Variants in TBC1D22B observed in about 807,000 individuals in gnomAD.
TBC1D22B encodes the protein TBC1 domain family member 22B.
TBC1D22B carries 32 observed loss-of-function variants against 69.1 expected under a neutral mutation model. The ratio of observed to expected loss-of-function variants is 0.46; its 90% CI spans 0.35 to 0.62. The LOEUF is 0.62. TBC1D22B is among the 20% of genes least tolerant of loss of function. TBC1D22B has a pLI of 0.00. For missense variants in TBC1D22B, 462 were observed against 630.9 expected (o/e 0.73, Z 2.87); for synonymous variants, 206 against 229.8 (o/e 0.90, Z 0.94).
chr6:37,292,592 T>A (rs2113754478), intron 8 of TBC1D22B, among the ~76,000 whole-genome samples: 1 of 152,314 alleles, frequency 6.6e-6, no homozygotes, highest in South Asian at 2.1e-4. Context: ...TAGTTGCTTC[T>A]TGCAGTAGTA....
intron 6 of TBC1D22B, among the ~76,000 whole-genome samples, chr6:37,284,851 G>A (rs1443093519): frequency 6.6e-6 from 1 of 152,144 alleles, no homozygotes; most frequent in African/African-American, 2.4e-5. Context: ...CACACTGTGA[G>A]TAGTAAGCGT....
At position 37,330,222 on chromosome 6, in the gene TBC1D22B, C is replaced by CTTTTTTTTTTTTTTTTTT. The variant is rs67372032; in HGVS notation, c.1390-804_1390-787dup. ...GATGTTATAAATATTTTGTCCGTTT[C>CTTTTTTTTTTTTTTTTTT]TTTTTTTTTTTTTTTTTTTTTTTTT... On this transcript the variant is annotated intron_variant, in intron 12 of 12. Transcript: ENST00000373491. 4.0e-5 allele frequency among the ~76,000 whole-genome samples: 3 copies of CTTTTTTTTTTTTTTTTTT among 75,582 alleles called. 1 individual carries two copies. Among genetic ancestry groups the CTTTTTTTTTTTTTTTTTT allele is most frequent in the Non-Finnish European group, 7.2e-5 (3 of 41,574 alleles). 49.6% of individuals were successfully genotyped at this position (75,582 alleles called of 152,430 possible). A position where few individuals can be genotyped will look rare whatever the true frequency, so the allele number is the denominator to read the frequency against.
In TBC1D22B at chr6:37,286,993, C is replaced by T. The variant is rs1767027055; in HGVS notation, c.802-14C>T. 1.9e-6 allele frequency: 3 copies of T among 1,589,586 alleles called. No homozygotes were observed. Among genetic ancestry groups the T allele is most frequent in the Non-Finnish European group, 2.6e-6 (3 of 1,172,420 alleles). On this transcript the variant is annotated splice_polypyrimidine_tract_variant and intron_variant, in intron 6 of 12. Transcript: ENST00000373491. Reference sequence around the variant, plus strand: ...CTGGCATTTGTGTTTTTGGACATGCCTTCTCTTTTTCAGATTCACATTGAC... The same window carrying T: ...CTGGCATTTGTGTTTTTGGACATGCTTTCTCTTTTTCAGATTCACATTGAC...
intron 1 of TBC1D22B, among the ~76,000 whole-genome samples, chr6:37,262,093 C>G (rs573517594): frequency 2.0e-4 from 29 of 147,762 alleles, no homozygotes; most frequent in African/African-American, 5.8e-4. Flanking sequence ...TGCAGTGGCA[C>G]GATCTCAGCT....
At chr6:37,310,406 C>T (rs780807764) in intron 8 of TBC1D22B, among the ~76,000 whole-genome samples, 10 of 152,022 alleles carry the variant, frequency 6.6e-5, no homozygotes, top group Non-Finnish European at 1.3e-4. Context: ...CGGTAGCTCA[C>T]GCCTGTAATC....
At position 37,279,473 on chromosome 6, in the gene TBC1D22B, G is replaced by T; in HGVS notation, c.283G>T (p.Ala95Ser). The T allele has an allele frequency of 1.9e-6, 3 of 1,614,126 alleles. No individual in the cohort carries two copies. Among genetic ancestry groups the T allele is most frequent in the Non-Finnish European group, 2.5e-6 (3 of 1,180,020 alleles). ...AACTCTGAACTCAAAAGTTGCTTTG[G>T]CAACTGCAGCCCAAGTTCTAGAAAA... is the stretch of plus-strand genomic sequence containing the variant. ...FQTLNSKVAL[A>S]TAAQVLENHS... Residue 95 changes from alanine to serine, a missense_variant, in exon 3 of 13, where the codon GCA (alanine) becomes TCA (serine). Around this residue, in one of 2 missense-constraint regions of TBC1D22B, gnomAD observed 237 missense variants for 255.4 expected, o/e 0.93. Transcript: ENST00000373491.
intron 2 of TBC1D22B, 52 bp from the exon 3 acceptor site, chr6:37,279,252 G>A (rs377179268): frequency 2.1e-6 from 3 of 1,431,408 alleles, no homozygotes; most frequent in African/African-American, 2.9e-5. Context: ...GCAAATGTAG[G>A]TGGTCAGATG....
At chr6:37,296,217 GCA>G in intron 8 of TBC1D22B, among the ~76,000 whole-genome samples, 1 of 152,114 alleles carries the variant, frequency 6.6e-6, no homozygotes, top group East Asian at 1.9e-4. Flanking sequence ...AGCTGAGATC[GCA>G]CCACTGTACT....
chr6:37,262,151 C>T (rs1056041392), intron 1 of TBC1D22B, among the ~76,000 whole-genome samples: 2 of 151,398 alleles, frequency 1.3e-5, no homozygotes, highest in Non-Finnish European at 2.9e-5. Context: ...CTGCCTCAGC[C>T]TCCTGAGTAG....
At chr6:37,325,376 GTATCTCATCT>G (rs1768359657) in intron 12 of TBC1D22B, among the ~76,000 whole-genome samples, 1 of 151,800 alleles carries the variant, frequency 6.6e-6, no homozygotes, top group Admixed American at 6.6e-5. Context: ...CCTGACTATA[GTATCTCATCT>G]GACTGCATGT....
chr6:37,287,750 A>G (rs2113747976), intron 7 of TBC1D22B, among the ~76,000 whole-genome samples: 1 of 152,368 alleles, frequency 6.6e-6, no homozygotes, highest in East Asian at 1.9e-4. Context: ...CATATGTAAC[A>G]CATATTGTTG....
At chr6:37,262,679 A>G (rs1219791201) in intron 1 of TBC1D22B, among the ~76,000 whole-genome samples, 10 of 152,200 alleles carry the variant, frequency 6.6e-5, no homozygotes, top group Non-Finnish European at 1.3e-4. Context: ...TGACTAGAAG[A>G]TACTAAATTA....
At chr6:37,261,145 A>G (rs1484707416) in intron 1 of TBC1D22B, among the ~76,000 whole-genome samples, 1 of 152,142 alleles carries the variant, frequency 6.6e-6, no homozygotes, top group Non-Finnish European at 1.5e-5. Context: ...AATCTCTACC[A>G]TTGCAGGCTT....
intron 8 of TBC1D22B, among the ~76,000 whole-genome samples, chr6:37,294,625 G>T (rs936372275): frequency 6.6e-6 from 1 of 152,160 alleles, no homozygotes; most frequent in African/African-American, 2.4e-5. Flanking sequence ...GGGACCTTAA[G>T]AATTATGCAA....
At chr6:37,313,965 T>A (rs534393277) in intron 10 of TBC1D22B, 74 bp downstream of exon 10, 1 of 1,381,942 alleles carries the variant, frequency 7.2e-7, no homozygotes, top group African/African-American at 1.4e-5. Flanking sequence ...TGCTTGTGGG[T>A]CCTCTCCTCA....
intron 1 of TBC1D22B, among the ~76,000 whole-genome samples, chr6:37,265,222 TA>T (rs1766233942): frequency 6.6e-6 from 1 of 152,214 alleles, no homozygotes; most frequent in Non-Finnish European, 1.5e-5. Flanking sequence ...CTGACAGCTT[TA>T]AAAAATAGTC....
At chr6:37,323,605 G>T (rs533049677) in intron 12 of TBC1D22B, among the ~76,000 whole-genome samples, 68 of 152,310 alleles carry the variant, frequency 4.5e-4, no homozygotes, top group African/African-American at 1.5e-3. Flanking sequence ...ACAGGTCAGG[G>T]TTATTAAATA....
Position 37,316,685 on chromosome 6 carries a change from T to C in TBC1D22B, c.1166-18T>C, listed in dbSNP as rs1225709536. 1 of 1,614,102 alleles carries C rather than the reference T, an allele frequency of 6.2e-7. No homozygotes were observed. Among genetic ancestry groups the C allele is most frequent in the South Asian group, 1.1e-5 (1 of 91,074 alleles). ...TCCAGTCCCCTAGGTTGATCCCCAA[T>C]GATGCTTCCTGTTTCAGAGCAGGTA... On this transcript the variant is annotated intron_variant, in intron 10 of 12. Coordinates refer to ENST00000373491, the MANE Select transcript of TBC1D22B (RefSeq NM_017772.4).
At chr6:37,306,906 C>T (rs1767736466) in intron 8 of TBC1D22B, among the ~76,000 whole-genome samples, 1 of 152,156 alleles carries the variant, frequency 6.6e-6, no homozygotes, top group South Asian at 2.1e-4. Context: ...GAAACAGAAC[C>T]ACCTCCCAGT....
Sources: allele counts gnomAD v4.1 joint callset (sites outside exome capture counted in the v4.1 genomes callset), GRCh38; gene constraint gnomAD v4.1.1; regional missense constraint gnomAD v4.1.1; transcripts MANE v1.5; gene names NCBI Gene and HGNC (gene_info 2026-07-23, HGNC 2026-07-21).